The following CACNA1C variants were observed in gnomAD, a reference collection of about 807,000 sequenced individuals.
The protein encoded by CACNA1C is calcium voltage-gated channel subunit alpha1 C, also known as voltage-dependent L-type calcium channel subunit alpha-1C.
In CACNA1C, 30 loss-of-function variants were observed where a neutral mutation model predicts 229.0. That is an observed-to-expected ratio of 0.13 (90% CI 0.10 to 0.18). The LOEUF (loss-of-function observed/expected upper bound fraction) is 0.18, where lower values mean the gene tolerates loss of function less well. Among genes scored for constraint, CACNA1C ranks in the 10% least tolerant of loss-of-function variants. The probability of loss-of-function intolerance (pLI) is 1.00; values close to 1 mark genes in which losing one functional copy is unlikely to be tolerated. For synonymous variants in CACNA1C, 1,114 were observed against 1,132.5 expected, an observed-to-expected ratio of 0.98 and a Z score of 0.33; for missense variants, 1,658 against 2,845.0, an observed-to-expected ratio of 0.58 and a Z score of 9.49.
chr12:2,162,508 G>A (rs1326907122), intron 3 of CACNA1C, among the ~76,000 whole-genome samples: 1 of 152,014 alleles, frequency 6.6e-6, no homozygotes, highest in East Asian at 1.9e-4. Context: ...AAAAGAAGGA[G>A]GAGGCCGTGT....
intron 3 of CACNA1C, among the ~76,000 whole-genome samples, chr12:2,266,695 A>G (rs1028953920): frequency 2.6e-5 from 4 of 152,216 alleles, no homozygotes; most frequent in African/African-American, 9.6e-5. Flanking sequence ...TCCCACTTCA[A>G]GGAATGTTAT....
chr12:2,001,811 A>G (rs1005647374), intron 1 of CACNA1C, among the ~76,000 whole-genome samples: 3 of 152,198 alleles, frequency 2.0e-5, no homozygotes, highest in Admixed American at 6.5e-5. Context: ...CAGGCTCAGC[A>G]TTCCCTGGCC....
intron 13 of CACNA1C, among the ~76,000 whole-genome samples, chr12:2,571,826 C>T (rs182749831): frequency 1.3e-3 from 202 of 152,254 alleles, no homozygotes; most frequent in South Asian, 0.013. Flanking sequence ...CCGTCTCCAG[C>T]GCCAGCCTTG....
chr12:2,199,648 C>T (rs1020235971), intron 3 of CACNA1C, among the ~76,000 whole-genome samples: 6 of 152,108 alleles, frequency 3.9e-5, no homozygotes, highest in African/African-American at 9.7e-5. Flanking sequence ...CCCCAGTCCC[C>T]ACATTGTTTA....
At chr12:2,427,944 A>G (rs1015560206) in intron 3 of CACNA1C, among the ~76,000 whole-genome samples, 1 of 152,196 alleles carries the variant, frequency 6.6e-6, no homozygotes, top group Admixed American at 6.5e-5. Flanking sequence ...AAAAAGTAAA[A>G]TACCATTGAT....
chr12:2,674,912 A>C (rs985453968), intron 39 of CACNA1C, among the ~76,000 whole-genome samples: 4 of 152,204 alleles, frequency 2.6e-5, no homozygotes, highest in Non-Finnish European at 4.4e-5. Context: ...TGCTTTTTAC[A>C]TAGGGTAACA....
chr12:2,543,371 A>G (rs908336860), intron 9 of CACNA1C, among the ~76,000 whole-genome samples: 2 of 152,346 alleles, frequency 1.3e-5, no homozygotes, highest in African/African-American at 4.8e-5. Context: ...CATCATTTGA[A>G]TGGCCAAGGG....
chr12:2,563,573 T>C (rs1390262951), intron 11 of CACNA1C, among the ~76,000 whole-genome samples: 1 of 152,210 alleles, frequency 6.6e-6, no homozygotes, highest in Non-Finnish European at 1.5e-5. Context: ...CCTGCAGTCC[T>C]GAAGAAAGAG....
intron 9 of CACNA1C, among the ~76,000 whole-genome samples, chr12:2,540,826 A>G (rs1243626385): frequency 6.6e-6 from 1 of 152,196 alleles, no homozygotes; most frequent in African/African-American, 2.4e-5. Flanking sequence ...GACATGAGAG[A>G]GAACCGACAG....
intron 1 of CACNA1C, among the ~76,000 whole-genome samples, chr12:2,094,950 C>T (rs921935022): frequency 2.0e-5 from 3 of 152,202 alleles, no homozygotes; most frequent in Non-Finnish European, 4.4e-5. Context: ...CTACTTCCCC[C>T]TGAGAACTTA....
chr12:2,235,066 TC>T (rs1220292955), intron 3 of CACNA1C, among the ~76,000 whole-genome samples: 1 of 152,118 alleles, frequency 6.6e-6, no homozygotes, highest in Non-Finnish European at 1.5e-5. Context: ...GCAGCATTAT[TC>T]CTTGCTCTTC....
At chr12:2,100,961 C>T (rs1248685429) in intron 1 of CACNA1C, among the ~76,000 whole-genome samples, 1 of 143,904 alleles carries the variant, frequency 6.9e-6, no homozygotes, top group African/African-American at 2.6e-5. Flanking sequence ...GTGATTCTGC[C>T]ACTGCAGTCT....
chr12:2,158,723 T>C lies in CACNA1C; in HGVS notation c.477+38293T>C, dbSNP rs554796988. 2.6e-5 allele frequency among the ~76,000 whole-genome samples: 4 copies of C among 152,196 alleles called. No homozygotes were observed. The South Asian group carries it at 8.3e-4, about 32-fold the overall frequency. On this transcript the variant is annotated intron_variant, in intron 3 of 46. Transcript: ENST00000399655. ...AGCAAGAAGGTAAAAGAGAAACATT[T>C]TCAGATAGGTAAAAATATAAAACAA...
rs2099766351 is a variant in CACNA1C, at chr12:2,504,052, C to T, written c.1114-790C>T. 1.3e-5 allele frequency among the ~76,000 whole-genome samples: 2 copies of T among 152,234 alleles called. No individual in the cohort carries two copies. The highest frequency in any genetic ancestry group is 6.5e-5 in the Admixed American group (1 of 15,280). On this transcript the variant is annotated intron_variant, in intron 7 of 46. Coordinates refer to ENST00000399655, the MANE Select transcript of CACNA1C (RefSeq NM_000719.7). The surrounding 1 kb of genome is among the most constrained non-coding windows in gnomAD (Gnocchi z 6.8). ...CACTTCATACACCAAGGTCAGGGGC[C>T]TCCGGGTGCAACAGAAGGCTTAATG...
chr12:2,117,080 C>G (rs111789519), intron 2 of CACNA1C, among the ~76,000 whole-genome samples: 191 of 152,120 alleles, frequency 1.3e-3, no homozygotes, highest in Non-Finnish European at 2.5e-3. Flanking sequence ...ACCAGCCTGG[C>G]CAACATGAGG....
At chr12:2,671,864 C>A (rs889119007) in intron 38 of CACNA1C, among the ~76,000 whole-genome samples, 2 of 150,466 alleles carry the variant, frequency 1.3e-5, no homozygotes, top group Non-Finnish European at 3.0e-5. Flanking sequence ...CGAAACGCCC[C>A]CACCCAAGGG....
At chr12:2,642,527 A>G (rs2093833378) in intron 30 of CACNA1C, among the ~76,000 whole-genome samples, 1 of 152,216 alleles carries the variant, frequency 6.6e-6, no homozygotes, top group African/African-American at 2.4e-5. Flanking sequence ...GGAAGGCTCA[A>G]AGATACGTAG....
At chr12:2,301,395 G>C (rs956784565) in intron 3 of CACNA1C, among the ~76,000 whole-genome samples, 1 of 152,204 alleles carries the variant, frequency 6.6e-6, no homozygotes, top group African/African-American at 2.4e-5. Flanking sequence ...GGGGCCAGCA[G>C]TTTAGCACAG....
At chr12:2,519,023 C>T (rs1235807186) in intron 9 of CACNA1C, among the ~76,000 whole-genome samples, 1 of 152,212 alleles carries the variant, frequency 6.6e-6, no homozygotes, top group African/African-American at 2.4e-5. Flanking sequence ...TCCAGATTCC[C>T]CATGCAGGAC....
Sources: allele counts gnomAD v4.1 joint callset (sites outside exome capture counted in the v4.1 genomes callset), GRCh38; gene constraint gnomAD v4.1.1; non-coding constraint Gnocchi (gnomAD v3.1); transcripts MANE v1.5; gene names NCBI Gene and HGNC (gene_info 2026-07-23, HGNC 2026-07-21).